Variants in RIC8B observed in about 807,000 individuals in gnomAD.
RIC8B encodes RIC8 guanine nucleotide exchange factor B.
Under a neutral mutation model 57.5 loss-of-function variants are expected in RIC8B, and 16 were observed. That is an observed-to-expected ratio of 0.28 (90% CI 0.19 to 0.42). The LOEUF (loss-of-function observed/expected upper bound fraction) is 0.42. RIC8B is among the 10% of genes least tolerant of loss of function. RIC8B has a pLI of 1.00. For missense variants in RIC8B, 481 were observed against 677.0 expected (o/e 0.71, Z 3.21); for synonymous variants, 216 against 250.8 (o/e 0.86, Z 1.31).
At chr12:106,776,503 T>C (rs1395351910) in intron 1 of RIC8B, among the ~76,000 whole-genome samples, 1 of 152,184 alleles carries the variant, frequency 6.6e-6, no homozygotes, top group Non-Finnish European at 1.5e-5. Context: ...TTTGTTTCTG[T>C]AGGGGAGGAA....
At chr12:106,805,480 G>T (rs1364242054) in intron 2 of RIC8B, among the ~76,000 whole-genome samples, 1 of 152,088 alleles carries the variant, frequency 6.6e-6, no homozygotes, top group Non-Finnish European at 1.5e-5. Context: ...CTAGGTGACA[G>T]AGTGAGACCC....
intron 2 of RIC8B, among the ~76,000 whole-genome samples, chr12:106,796,027 C>A (rs1440453928): frequency 6.6e-6 from 1 of 152,106 alleles, no homozygotes; most frequent in Non-Finnish European, 1.5e-5. Flanking sequence ...GAAAAAACAT[C>A]CCATGGTCAT....
chr12:106,787,487 A>G (rs1566035906), intron 2 of RIC8B, among the ~76,000 whole-genome samples: 2 of 152,170 alleles, frequency 1.3e-5, no homozygotes, highest in Non-Finnish European at 2.9e-5. Context: ...TTACTGCCCA[A>G]TTCGTTTGCT....
At chr12:106,842,551 T>G (rs1249373260) in intron 4 of RIC8B, 38 bp from the exon 5 acceptor site, 45 of 1,494,000 alleles carry the variant, frequency 3.0e-5, no homozygotes, top group Non-Finnish European at 4.0e-5. Context: ...GACTATTCAA[T>G]CAAGTTAAAA....
intron 4 of RIC8B, among the ~76,000 whole-genome samples, chr12:106,834,983 CA>C (rs71072695): frequency 0.012 from 383 of 31,302 alleles, no homozygotes; most frequent in African/African-American, 0.035. Flanking sequence ...GACTCTGTCT[CA>C]AAAAAAAAAA....
intron 3 of RIC8B, among the ~76,000 whole-genome samples, chr12:106,818,425 A>G (rs1484934475): frequency 2.6e-5 from 4 of 151,818 alleles, no homozygotes; most frequent in African/African-American, 9.7e-5. Context: ...CGGCCTCCCA[A>G]AGTGCTAGGA....
At chr12:106,821,225 C>T (rs188723127) in intron 3 of RIC8B, among the ~76,000 whole-genome samples, 4 of 152,258 alleles carry the variant, frequency 2.6e-5, no homozygotes, top group Non-Finnish European at 4.4e-5. Context: ...GAATAACCAA[C>T]AGTAGAAAAT....
chr12:106,780,847 T>C (rs1364672143), intron 1 of RIC8B, among the ~76,000 whole-genome samples: 1 of 152,236 alleles, frequency 6.6e-6, no homozygotes, highest in African/African-American at 2.4e-5. Flanking sequence ...TATTCAACAA[T>C]AACAGTAGTG....
intron 6 of RIC8B, among the ~76,000 whole-genome samples, chr12:106,845,262 A>G (rs964895986): frequency 3.3e-5 from 5 of 152,170 alleles, no homozygotes; most frequent in Non-Finnish European, 7.3e-5. Context: ...TGACGAGTCT[A>G]CTTTAAATTT....
chr12:106,774,879 T>G, intron 1 of RIC8B, 50 bp downstream of exon 1: 1 of 1,392,998 alleles, frequency 7.2e-7, no homozygotes, highest in South Asian at 1.3e-5. Context: ...CGGGCCGCCC[T>G]CCGTGCTTGC....
At chr12:106,806,717 C>T (rs1301139161) in intron 2 of RIC8B, among the ~76,000 whole-genome samples, 2 of 152,066 alleles carry the variant, frequency 1.3e-5, no homozygotes, top group African/African-American at 4.8e-5. Context: ...GTAATCCCAG[C>T]TACTTGAGAG....
At chr12:106,817,884 A>G (rs1258044641) in intron 3 of RIC8B, among the ~76,000 whole-genome samples, 1 of 151,412 alleles carries the variant, frequency 6.6e-6, no homozygotes, top group Non-Finnish European at 1.5e-5. Flanking sequence ...CTAAGAGCCC[A>G]TTTACCTGGA....
At chr12:106,848,108 A>G (rs1439500615) in intron 6 of RIC8B, among the ~76,000 whole-genome samples, 1 of 152,200 alleles carries the variant, frequency 6.6e-6, no homozygotes, top group East Asian at 1.9e-4. Flanking sequence ...TGGTCAGGGA[A>G]TGTCTCCTGT....
chr12:106,868,331 C>T (rs1434813608), intron 8 of RIC8B: 1 of 456,856 alleles, frequency 2.2e-6, no homozygotes, highest in Non-Finnish European at 4.4e-6. Flanking sequence ...GAAGCCATCT[C>T]TCAAGAGGCA....
intron 6 of RIC8B, among the ~76,000 whole-genome samples, chr12:106,848,918 C>A (rs1275877721): frequency 6.6e-6 from 1 of 152,096 alleles, no homozygotes; most frequent in Non-Finnish European, 1.5e-5. Flanking sequence ...TTCAAGAGAT[C>A]TGCTGTACAA....
intron 3 of RIC8B, among the ~76,000 whole-genome samples, chr12:106,821,157 A>G (rs1329856884): frequency 1.3e-5 from 2 of 152,216 alleles, no homozygotes; most frequent in Non-Finnish European, 2.9e-5. Context: ...ACCCAATTTG[A>G]CAAATGAGGA....
intron 2 of RIC8B, 63 bp from the exon 3 acceptor site, chr12:106,814,633 A>C: frequency 1.3e-6 from 2 of 1,493,538 alleles, no homozygotes; most frequent in Admixed American, 2.2e-5. Context: ...TGGCAGAGAA[A>C]CATTCTGTGT....
chr12:106,881,743 C>T (rs1177828607), intron 9 of RIC8B, among the ~76,000 whole-genome samples: 5 of 152,098 alleles, frequency 3.3e-5, no homozygotes, highest in Non-Finnish European at 5.9e-5. Flanking sequence ...GAGTGAGTCT[C>T]TGTACCAAAT....
At chr12:106,803,432 G>C (rs1404321818) in intron 2 of RIC8B, among the ~76,000 whole-genome samples, 1 of 152,016 alleles carries the variant, frequency 6.6e-6, no homozygotes, top group African/African-American at 2.4e-5. Context: ...TTGTTTGACT[G>C]TGCAGCTCGT....
Sources: gnomAD v4.1 joint callset for allele counts (sites outside exome capture counted in the v4.1 genomes callset) on GRCh38, gnomAD v4.1.1 for gene constraint, MANE v1.5 for transcripts, NCBI Gene and HGNC (gene_info 2026-07-23, HGNC 2026-07-21) for gene names.